Variants in SGCZ observed in about 807,000 individuals in gnomAD.
SGCZ encodes zeta-sarcoglycan.
Under a neutral mutation model 41.3 loss-of-function variants are expected in SGCZ, and 40 were observed. The ratio of observed to expected loss-of-function variants is 0.97; its 90% CI spans 0.75 to 1.26. SGCZ has a LOEUF of 1.26. Among genes scored for constraint, SGCZ ranks in the 50% most tolerant of loss-of-function variants. The pLI, the probability that SGCZ is intolerant of heterozygous loss-of-function variation, is 0.00. For synonymous variants in SGCZ, 206 were observed against 137.5 expected (o/e 1.50, Z -3.49); for missense variants, 552 against 369.8 (o/e 1.49, Z -4.04).
At chr8:14,330,046 T>C (rs1802258558) in intron 2 of SGCZ, among the ~76,000 whole-genome samples, 1 of 152,164 alleles carries the variant, frequency 6.6e-6, no homozygotes, top group Non-Finnish European at 1.5e-5. Flanking sequence ...GAATTACCTG[T>C]CCAAAGAAGG....
intron 2 of SGCZ, among the ~76,000 whole-genome samples, chr8:14,413,787 T>G (rs1416415921): frequency 1.3e-5 from 2 of 152,026 alleles, no homozygotes; most frequent in Non-Finnish European, 2.9e-5. Context: ...ACGAAGAGTC[T>G]GTTTTACAAA....
intron 1 of SGCZ, among the ~76,000 whole-genome samples, chr8:14,761,490 T>C (rs1799870072): frequency 6.6e-6 from 1 of 150,874 alleles, no homozygotes; most frequent in South Asian, 2.1e-4. Flanking sequence ...CAAGATTAAT[T>C]GTACATGTTT....
At chr8:14,670,227 T>C (rs1808060323) in intron 1 of SGCZ, among the ~76,000 whole-genome samples, 1 of 152,148 alleles carries the variant, frequency 6.6e-6, no homozygotes, top group African/African-American at 2.4e-5. Context: ...GCTGATGATA[T>C]GAAGTTTTAT....
intron 1 of SGCZ, among the ~76,000 whole-genome samples, chr8:14,927,404 C>A (rs1046701295): frequency 6.6e-6 from 1 of 151,958 alleles, no homozygotes; most frequent in Non-Finnish European, 1.5e-5. Context: ...CCACCGCGCC[C>A]GGCCAAGTTC....
intron 1 of SGCZ, among the ~76,000 whole-genome samples, chr8:15,104,289 A>G (rs922189543): frequency 2.6e-5 from 4 of 152,150 alleles, no homozygotes; most frequent in African/African-American, 9.7e-5. Context: ...TATACAGGAG[A>G]CAATTGAGGG....
At chr8:14,386,404 G>T (rs1253782797) in intron 2 of SGCZ, among the ~76,000 whole-genome samples, 2 of 151,668 alleles carry the variant, frequency 1.3e-5, no homozygotes, top group African/African-American at 4.8e-5. Flanking sequence ...AATCCAAAAA[G>T]CTCTGAAGTT....
intron 4 of SGCZ, among the ~76,000 whole-genome samples, chr8:14,211,071 G>T (rs890498408): frequency 6.6e-6 from 1 of 152,132 alleles, no homozygotes; most frequent in Non-Finnish European, 1.5e-5. Context: ...TCCATTTATC[G>T]TCTTTCATCT....
chr8:14,430,578 G>T (rs534124877), intron 2 of SGCZ, among the ~76,000 whole-genome samples: 2 of 152,096 alleles, frequency 1.3e-5, no homozygotes, highest in East Asian at 3.9e-4. Context: ...ACAAACCCAC[G>T]GCCAACATAA....
chr8:14,612,555 G>C (rs1412938687), intron 1 of SGCZ, among the ~76,000 whole-genome samples: 1 of 152,108 alleles, frequency 6.6e-6, no homozygotes, highest in Non-Finnish European at 1.5e-5. Flanking sequence ...ACAAAGCTTG[G>C]ATTAGTCAGA....
intron 1 of SGCZ, among the ~76,000 whole-genome samples, chr8:15,019,560 TTC>T (rs1563442428): frequency 6.6e-6 from 1 of 151,996 alleles, no homozygotes. Context: ...GTCCCTTCCT[TTC>T]AGCTTTTCTT....
At chr8:14,517,078 C>T (rs569477307) in intron 2 of SGCZ, among the ~76,000 whole-genome samples, 3 of 151,976 alleles carry the variant, frequency 2.0e-5, no homozygotes, top group African/African-American at 4.8e-5. Context: ...CTTCGTAATG[C>T]GTGACGGAAA....
chr8:14,185,480 C>G (rs937899531), intron 4 of SGCZ, among the ~76,000 whole-genome samples: 1 of 152,108 alleles, frequency 6.6e-6, no homozygotes, highest in Non-Finnish European at 1.5e-5. Flanking sequence ...TTGATCTAAT[C>G]AATATCTACC....
intron 4 of SGCZ, among the ~76,000 whole-genome samples, chr8:14,190,870 G>A (rs993341658): frequency 2.0e-5 from 3 of 152,182 alleles, no homozygotes; most frequent in African/African-American, 7.2e-5. Flanking sequence ...CCAAAGTGCT[G>A]GGATTACAGG....
At chr8:15,192,808 G>T (rs1800584162) in intron 1 of SGCZ, among the ~76,000 whole-genome samples, 2 of 152,038 alleles carry the variant, frequency 1.3e-5, no homozygotes, top group Admixed American at 1.3e-4. Context: ...GTTGAGTTGT[G>T]CATTCTTGTG....
intron 1 of SGCZ, among the ~76,000 whole-genome samples, chr8:14,666,782 G>C (rs1807924719): frequency 6.6e-6 from 1 of 151,750 alleles, no homozygotes; most frequent in South Asian, 2.1e-4. Flanking sequence ...CGCTGCTTGA[G>C]AGAAATAAAT....
chr8:14,442,133 T>C (rs1319308108), intron 2 of SGCZ, among the ~76,000 whole-genome samples: 4 of 152,198 alleles, frequency 2.6e-5, no homozygotes, highest in Non-Finnish European at 5.9e-5. Flanking sequence ...ATAATAAAAC[T>C]CTTCCCCCTT....
intron 2 of SGCZ, among the ~76,000 whole-genome samples, chr8:14,363,722 G>A (rs1008964317): frequency 7.9e-5 from 12 of 152,096 alleles, no homozygotes; most frequent in African/African-American, 2.7e-4. Context: ...AGTAGATATT[G>A]AGGCCATATA....
chr8:14,172,421 T>G (rs1156894340), intron 4 of SGCZ, among the ~76,000 whole-genome samples: 1 of 152,110 alleles, frequency 6.6e-6, no homozygotes, highest in Non-Finnish European at 1.5e-5. Context: ...CCTGGTCTGT[T>G]TTTAGACATG....
At chr8:14,991,169 G>C (rs1802002518) in intron 1 of SGCZ, among the ~76,000 whole-genome samples, 1 of 152,046 alleles carries the variant, frequency 6.6e-6, no homozygotes, top group Non-Finnish European at 1.5e-5. Context: ...TTTAAATCTT[G>C]TATGTGTATG....
Sources: gnomAD v4.1 joint callset for allele counts (sites outside exome capture counted in the v4.1 genomes callset) on GRCh38, gnomAD v4.1.1 for gene constraint, MANE v1.5 for transcripts, NCBI Gene and HGNC (gene_info 2026-07-23, HGNC 2026-07-21) for gene names.